ADAMTS2: variants seen among roughly 807,000 people sequenced by gnomAD.
ADAMTS2 encodes the protein A disintegrin and metalloproteinase with thrombospondin motifs 2.
Under a neutral mutation model 123.0 loss-of-function variants are expected in ADAMTS2, and 50 were observed. That is an observed-to-expected ratio of 0.41 (90% CI 0.32 to 0.51). The LOEUF (loss-of-function observed/expected upper bound fraction) is 0.51. ADAMTS2 is among the 20% of genes least tolerant of loss of function. The pLI is 0.35. For synonymous variants in ADAMTS2, 678 were observed against 695.4 expected, an observed-to-expected ratio of 0.98 and a Z score of 0.39; for missense variants, 1,494 against 1,705.2, an observed-to-expected ratio of 0.88 and a Z score of 2.18.
Position 179,345,377 on chromosome 5 carries a change from T to G in ADAMTS2, c.-49A>C. The G allele has an allele frequency of 9.0e-7, 1 of 1,107,988 alleles. No individual in the cohort carries two copies. Among genetic ancestry groups the G allele is most frequent in the Non-Finnish European group, 1.1e-6 (1 of 908,936 alleles). The allele number at this position is 1,107,988 out of a possible 1,614,324, so 68.6% of individuals were successfully genotyped here. On this transcript the variant is annotated 5_prime_UTR_variant, in exon 1 of 22. Coordinates refer to ENST00000251582, the MANE Select transcript of ADAMTS2 (RefSeq NM_014244.5). The surrounding 1 kb of genome is among the most constrained non-coding windows in gnomAD (Gnocchi z 7.5). ...CCCGCACTCGCAGCCGGCGCGAAAG[T>G]TCCCCGCGAGCCGCCCAGCCCACAT...
intron 4 of ADAMTS2, among the ~76,000 whole-genome samples, chr5:179,199,937 T>C (rs1263858512): frequency 1.3e-5 from 2 of 152,172 alleles, no homozygotes; most frequent in Non-Finnish European, 2.9e-5. Context: ...CTTAGAACAA[T>C]ATTAAAAAGC....
intron 2 of ADAMTS2, among the ~76,000 whole-genome samples, chr5:179,335,337 T>A (rs1201393920): frequency 1.3e-5 from 2 of 152,202 alleles, no homozygotes; most frequent in Non-Finnish European, 2.9e-5. Context: ...CATTCCACAT[T>A]CTTTTTGGGG....
At chr5:179,223,615 C>T (rs1438266908) in intron 3 of ADAMTS2, among the ~76,000 whole-genome samples, 2 of 148,042 alleles carry the variant, frequency 1.4e-5, no homozygotes, top group Non-Finnish European at 3.0e-5. Flanking sequence ...CTCGCATACT[C>T]ACATGCACAC....
chr5:179,179,063 G>A (rs1383657220), intron 5 of ADAMTS2, among the ~76,000 whole-genome samples: 1 of 152,100 alleles, frequency 6.6e-6, no homozygotes, highest in Non-Finnish European at 1.5e-5. Context: ...GCCCACCTCA[G>A]CCTCCCAAAT....
In ADAMTS2 at chr5:179,132,628, T is replaced by C. The variant is rs1581143208; in HGVS notation, c.2209+149A>G. 1 of 1,008,384 alleles carries C rather than the reference T, an allele frequency of 9.9e-7. No individual in the cohort carries two copies. The highest frequency in any genetic ancestry group is 1.5e-6 in the Non-Finnish European group (1 of 687,192). 62.5% of individuals were successfully genotyped at this position (1,008,384 alleles called of 1,614,324 possible). A position where few individuals can be genotyped will look rare whatever the true frequency, so the allele number is the denominator to read the frequency against. ...TGGGGCTGTCCCCGACTTAGGATTC[T>C]CCCTCCCCCTCAGTGTCACAGACCT... On this transcript the variant is annotated intron_variant, in intron 14 of 21. Transcript: ENST00000251582. The surrounding 1 kb of genome is among the most constrained non-coding windows in gnomAD (Gnocchi z 6.1).
intron 5 of ADAMTS2, among the ~76,000 whole-genome samples, chr5:179,174,944 C>G (rs960148341): frequency 6.8e-6 from 1 of 147,226 alleles, no homozygotes; most frequent in African/African-American, 2.5e-5. Context: ...GAAGTCTCTT[C>G]CTTGCTTGGG....
In ADAMTS2 at chr5:179,181,960, G is replaced by C. The variant is rs982932684; in HGVS notation, c.892-805C>G. 6.6e-6 allele frequency among the ~76,000 whole-genome samples: 1 copy of C among 151,976 alleles called. No homozygotes were observed. Among genetic ancestry groups the C allele is most frequent in the Non-Finnish European group, 1.5e-5 (1 of 67,988 alleles). ...CTCGAGGCTGTCAGGGGCTTCCTTC[G>C]CACTGAGCCCCCACCCTCCAGCTTC... On this transcript the variant is annotated intron_variant, in intron 4 of 21. Coordinates refer to ENST00000251582, the MANE Select transcript of ADAMTS2 (RefSeq NM_014244.5). This position sits in a 1 kb window ranked among gnomAD's most constrained non-coding sequence, Gnocchi z 4.1.
In ADAMTS2 at chr5:179,132,998, A is replaced by C; in HGVS notation, c.2086-98T>G. 4 of 1,504,908 alleles carry C rather than the reference A, an allele frequency of 2.7e-6. No individual in the cohort carries two copies. The highest frequency in any genetic ancestry group is 3.6e-6 in the Non-Finnish European group (4 of 1,112,294). 93.2% of individuals were successfully genotyped at this position (1,504,908 alleles called of 1,614,324 possible). ...AGTCTCGAACACCTGGCCTCAAGCG[A>C]TCCTCCTGCCTTGGCCTCCCAAAGC... On this transcript the variant is annotated intron_variant, in intron 13 of 21. Transcript: ENST00000251582. This position sits in a 1 kb window ranked among gnomAD's most constrained non-coding sequence, Gnocchi z 6.1.
intron 4 of ADAMTS2, among the ~76,000 whole-genome samples, chr5:179,201,067 C>T (rs1480112917): frequency 1.3e-5 from 2 of 152,204 alleles, no homozygotes; most frequent in East Asian, 3.8e-4. Context: ...AAACTTATCT[C>T]CGTTGTAATT....
chr5:179,229,079 G>A (rs573020924), intron 3 of ADAMTS2, among the ~76,000 whole-genome samples: 1 of 152,088 alleles, frequency 6.6e-6, no homozygotes, highest in Non-Finnish European at 1.5e-5. Flanking sequence ...CCCTCTCTCC[G>A]TCAGACCCTC....
intron 3 of ADAMTS2, among the ~76,000 whole-genome samples, chr5:179,241,502 C>G (rs1291890433): frequency 6.6e-6 from 1 of 152,220 alleles, no homozygotes; most frequent in Non-Finnish European, 1.5e-5. Context: ...TTGGGCCTCA[C>G]TGCCTTCCAA....
chr5:179,167,777 G>T (rs905290192), intron 5 of ADAMTS2, among the ~76,000 whole-genome samples: 4 of 152,236 alleles, frequency 2.6e-5, no homozygotes, highest in African/African-American at 9.6e-5. Flanking sequence ...CCTGCAAAAT[G>T]GGCACAACTG....
chr5:179,275,579 C>T (rs945950854), intron 2 of ADAMTS2, among the ~76,000 whole-genome samples: 5 of 152,130 alleles, frequency 3.3e-5, no homozygotes, highest in African/African-American at 1.2e-4. Flanking sequence ...TAGGCAGATG[C>T]GCAGAGGACG....
In ADAMTS2 at chr5:179,181,255, G is replaced by A; in HGVS notation, c.892-100C>T. Reference sequence around the variant, plus strand: ...CCCACCTGCTCCTTCTTCTTCCCATGCTTTCCACCCAGGCGTCACCATCAA... The same window carrying A: ...CCCACCTGCTCCTTCTTCTTCCCATACTTTCCACCCAGGCGTCACCATCAA... On this transcript the variant is annotated intron_variant, in intron 4 of 21. Transcript: ENST00000251582. This position sits in a 1 kb window ranked among gnomAD's most constrained non-coding sequence, Gnocchi z 4.1. The A allele has an allele frequency of 1.1e-6, 1 of 874,504 alleles. No homozygotes were observed. The highest frequency in any genetic ancestry group is 1.9e-6 in the Non-Finnish European group (1 of 522,690). 54.2% of individuals were successfully genotyped at this position (874,504 alleles called of 1,614,324 possible).
At chr5:179,301,887 G>A (rs1031352478) in intron 2 of ADAMTS2, among the ~76,000 whole-genome samples, 4 of 152,254 alleles carry the variant, frequency 2.6e-5, no homozygotes, top group Non-Finnish European at 4.4e-5. Flanking sequence ...GGGATGCCCC[G>A]CTCACAGCGT....
At chr5:179,322,747 G>A (rs561559655) in intron 2 of ADAMTS2, among the ~76,000 whole-genome samples, 1 of 152,368 alleles carries the variant, frequency 6.6e-6, no homozygotes, top group South Asian at 2.1e-4. Flanking sequence ...AAACCCAAAT[G>A]TGGCGATGCA....
chr5:179,227,536 T>C (rs192337170), intron 3 of ADAMTS2, among the ~76,000 whole-genome samples: 479 of 152,260 alleles, frequency 3.1e-3, no homozygotes, highest in Admixed American at 5.0e-3. Flanking sequence ...GGCCCCCAGC[T>C]GGGGCCCTTT....
chr5:179,247,459 T>C (rs1473899235), intron 3 of ADAMTS2, among the ~76,000 whole-genome samples: 1 of 152,048 alleles, frequency 6.6e-6, no homozygotes, highest in African/African-American at 2.4e-5. Context: ...ATAAAGAATG[T>C]TTGAAAAAAC....
At chr5:179,200,470 A>G (rs1764536930) in intron 4 of ADAMTS2, among the ~76,000 whole-genome samples, 1 of 152,080 alleles carries the variant, frequency 6.6e-6, no homozygotes, top group South Asian at 2.1e-4. Context: ...GCTCGTCTCG[A>G]ACTCTTGACC....
Sources: gnomAD v4.1 joint callset for allele counts (sites outside exome capture counted in the v4.1 genomes callset) on GRCh38, gnomAD v4.1.1 for gene constraint, Gnocchi (gnomAD v3.1) non-coding constraint, MANE v1.5 for transcripts, NCBI Gene and HGNC (gene_info 2026-07-23, HGNC 2026-07-21) for gene names.